The following TMEM132B variants were observed in gnomAD, a reference collection of about 807,000 sequenced individuals.
TMEM132B encodes the protein transmembrane protein 132B.
TMEM132B carries 18 observed loss-of-function variants against 90.8 expected under a neutral mutation model. The ratio of observed to expected loss-of-function variants is 0.20; its 90% confidence interval spans 0.14 to 0.29. The LOEUF is 0.29. Among genes scored for constraint, TMEM132B ranks in the 10% least tolerant of loss-of-function variants. TMEM132B has a pLI of 1.00. For synonymous variants in TMEM132B, 504 were observed against 523.3 expected (o/e 0.96, Z 0.50); for missense variants, 1,096 against 1,326.8 (o/e 0.83, Z 2.70).
At chr12:125,513,024 G>A (rs1883021477) in intron 3 of TMEM132B, among the ~76,000 whole-genome samples, 1 of 152,188 alleles carries the variant, frequency 6.6e-6, no homozygotes, top group Non-Finnish European at 1.5e-5. Context: ...CCCACGCAGT[G>A]GGGCTGTGGC....
intron 4 of TMEM132B, among the ~76,000 whole-genome samples, chr12:125,545,420 C>T (rs1466793608): frequency 6.6e-6 from 1 of 152,200 alleles, no homozygotes; most frequent in Admixed American, 6.5e-5. Context: ...CATTTCCCAA[C>T]CGGAACACAC....
At chr12:125,631,321 C>G (rs1886364502) in intron 5 of TMEM132B, among the ~76,000 whole-genome samples, 1 of 151,896 alleles carries the variant, frequency 6.6e-6, no homozygotes, top group Non-Finnish European at 1.5e-5. Context: ...TTATTGATTT[C>G]TAGTTTTATT....
intron 4 of TMEM132B, among the ~76,000 whole-genome samples, chr12:125,568,232 C>G (rs759841025): frequency 6.6e-6 from 1 of 152,150 alleles, no homozygotes; most frequent in African/African-American, 2.4e-5. Context: ...TCTCCCTCTT[C>G]CCTTTTCTTT....
rs1404182764 is a variant in TMEM132B at position 125,246,579 on chromosome 12, G to A, written c.67+59713G>A. Among the ~76,000 whole-genome samples, 1 of 152,204 alleles carries A rather than the reference G, an allele frequency of 6.6e-6. No individual in the cohort carries two copies. Among genetic ancestry groups the A allele is most frequent in the Non-Finnish European group, 1.5e-5 (1 of 68,038 alleles). On this transcript the variant is annotated intron_variant, in intron 1 of 8. Coordinates refer to ENST00000682704, the MANE Select transcript of TMEM132B (RefSeq NM_001366854.1). This position sits in a 1 kb window ranked among gnomAD's most constrained non-coding sequence, Gnocchi z 4.2. ...GCTTCGGCATGAATGCACAACATGCGAGACTTCAGGACAAGTTCAGCGTCT... is the reference window on the plus strand; with the variant it reads ...GCTTCGGCATGAATGCACAACATGCAAGACTTCAGGACAAGTTCAGCGTCT...
chr12:125,613,107 T>A (rs374263521), intron 5 of TMEM132B, among the ~76,000 whole-genome samples: 5 of 15,318 alleles, frequency 3.3e-4, no homozygotes, highest in African/African-American at 2.6e-3. Flanking sequence ...ATTTATATAT[T>A]AAAATATATA....
At chr12:125,223,110 A>G (rs1873596754) in intron 1 of TMEM132B, among the ~76,000 whole-genome samples, 1 of 152,234 alleles carries the variant, frequency 6.6e-6, no homozygotes, top group African/African-American at 2.4e-5. Flanking sequence ...CCAATGAGGA[A>G]CTCTCTCAGC....
At position 125,415,416 on chromosome 12, in the gene TMEM132B, G is replaced by T; in HGVS notation, c.960-115G>T. ...CTCTCCCCCACATCTCCCAGAGGAA[G>T]GGGGCGATGTTACAGATGCTTTCCC... On this transcript the variant is annotated intron_variant, in intron 2 of 8. Transcript: ENST00000682704. This position sits in a 1 kb window ranked among gnomAD's most constrained non-coding sequence, Gnocchi z 5.3. The T allele has an allele frequency of 7.8e-7, 1 of 1,289,680 alleles. No individual in the cohort carries two copies. Among genetic ancestry groups the T allele is most frequent in the South Asian group, 1.8e-5 (1 of 57,104 alleles). 79.9% of individuals were successfully genotyped at this position (1,289,680 alleles called of 1,614,324 possible).
chr12:125,469,900 G>A (rs149289543), intron 3 of TMEM132B, among the ~76,000 whole-genome samples: 113 of 152,294 alleles, frequency 7.4e-4, no homozygotes, highest in African/African-American at 2.7e-3. Context: ...TGGTTCTCTG[G>A]TGTGTTGTGA....
intron 3 of TMEM132B, among the ~76,000 whole-genome samples, chr12:125,421,615 C>T (rs1391526490): frequency 6.6e-6 from 1 of 152,180 alleles, no homozygotes; most frequent in African/African-American, 2.4e-5. Flanking sequence ...TATCAGCTAC[C>T]ATATTGGAAA....
intron 1 of TMEM132B, among the ~76,000 whole-genome samples, chr12:125,239,627 C>T (rs1281976180): frequency 6.6e-6 from 1 of 152,200 alleles, no homozygotes; most frequent in Non-Finnish European, 1.5e-5. Flanking sequence ...GGATGGCATG[C>T]GTCTTCCCTG....
Position 125,498,188 on chromosome 12 carries a change from G to T in TMEM132B, c.1107-21251G>T, listed in dbSNP as rs1882606569. Among the ~76,000 whole-genome samples the T allele has an allele frequency of 6.6e-6, 1 of 152,194 alleles. No individual in the cohort carries two copies. The highest frequency in any genetic ancestry group is 2.1e-4 in the South Asian group (1 of 4,826). ...AGAGGCATCCTCTGGTTCTCTGAGG[G>T]TGTATATTTCTATGTCCTGGTCAGA... On this transcript the variant is annotated intron_variant, in intron 3 of 8. Transcript: ENST00000682704. This position sits in a 1 kb window ranked among gnomAD's most constrained non-coding sequence, Gnocchi z 4.5.
chr12:125,288,997 T>TCGTA (rs1047758158), intron 1 of TMEM132B, among the ~76,000 whole-genome samples: 1 of 152,192 alleles, frequency 6.6e-6, no homozygotes, highest in African/African-American at 2.4e-5. Flanking sequence ...TGGGGTTGGC[T>TCGTA]CGTAGGCAAC....
Position 125,460,759 on chromosome 12 carries a change from C to T in TMEM132B, c.1106+45082C>T, listed in dbSNP as rs1394088309. Among the ~76,000 whole-genome samples, 2 of 152,212 alleles carry T rather than the reference C, an allele frequency of 1.3e-5. No individual in the cohort carries two copies. The highest frequency in any genetic ancestry group is 2.9e-5 in the Non-Finnish European group (2 of 68,038). ...TTGGCAGCCACTTCTTTTGAGGACCCACTATTAGCTGCTCATCTACAGGGA... is the reference window on the plus strand; with the variant it reads ...TTGGCAGCCACTTCTTTTGAGGACCTACTATTAGCTGCTCATCTACAGGGA... On this transcript the variant is annotated intron_variant, in intron 3 of 8. Coordinates refer to ENST00000682704, the MANE Select transcript of TMEM132B (RefSeq NM_001366854.1). This position sits in a 1 kb window ranked among gnomAD's most constrained non-coding sequence, Gnocchi z 4.4.
At chr12:125,504,751 T>C (rs1882786524) in intron 3 of TMEM132B, among the ~76,000 whole-genome samples, 1 of 151,728 alleles carries the variant, frequency 6.6e-6, no homozygotes, top group African/African-American at 2.4e-5. Flanking sequence ...ATTGGATGAG[T>C]TTCTCATTTT....
intron 5 of TMEM132B, chr12:125,586,926 C>A (rs766825699): frequency 6.6e-6 from 1 of 152,108 alleles, no homozygotes; most frequent in Non-Finnish European, 1.5e-5. Context: ...TCCATGAAAT[C>A]GTGATGAAGG....
chr12:125,641,050 A>C (rs1434710315), intron 5 of TMEM132B, among the ~76,000 whole-genome samples: 1 of 152,140 alleles, frequency 6.6e-6, no homozygotes, highest in Non-Finnish European at 1.5e-5. Flanking sequence ...AACAGGTGCC[A>C]GAGTAGGGAT....
Position 125,654,379 on chromosome 12 carries a change from C to G in TMEM132B, c.2921C>G (p.Thr974Arg). The G allele has an allele frequency of 6.2e-7, 1 of 1,613,100 alleles. No homozygotes were observed. Among genetic ancestry groups the G allele is most frequent in the South Asian group, 1.1e-5 (1 of 91,026 alleles). ...ATTACACTCCCATCAGAGGAGTGCACAACCATGATAGACAGGGGCCTGCAG... is the reference window on the plus strand; with the variant it reads ...ATTACACTCCCATCAGAGGAGTGCAGAACCATGATAGACAGGGGCCTGCAG... ...VDITLPSEEC[T>R]TMIDRGLQFE... Residue 974 changes from threonine (T) to arginine (R), a missense_variant, in exon 9 of 9, where the codon ACA (threonine) becomes AGA (arginine). Physicochemically the swap from Thr to Arg is moderately conservative, Grantham distance 71. Coordinates refer to ENST00000682704, the MANE Select transcript of TMEM132B (RefSeq NM_001366854.1). The surrounding 1 kb of genome is among the most constrained non-coding windows in gnomAD (Gnocchi z 5.8).
At chr12:125,523,569 G>A (rs914048117) in intron 4 of TMEM132B, among the ~76,000 whole-genome samples, 2 of 152,194 alleles carry the variant, frequency 1.3e-5, no homozygotes, top group African/African-American at 4.8e-5. Context: ...CAGGTTCTGG[G>A]ATTAGGACGT....
At chr12:125,193,303 G>A (rs745559441) in intron 1 of TMEM132B, among the ~76,000 whole-genome samples, 9 of 152,190 alleles carry the variant, frequency 5.9e-5, no homozygotes, top group Non-Finnish European at 1.2e-4. Context: ...TGAATGGCAA[G>A]GTAGGGTCTC....
Sources: allele counts gnomAD v4.1 joint callset (sites outside exome capture counted in the v4.1 genomes callset), GRCh38; gene constraint gnomAD v4.1.1; non-coding constraint Gnocchi (gnomAD v3.1); transcripts MANE v1.5; gene names NCBI Gene and HGNC (gene_info 2026-07-23, HGNC 2026-07-21).